The following TKTL1 variants were observed in gnomAD, a reference collection of about 807,000 sequenced individuals.
TKTL1 encodes the protein transketolase-like protein 1.
A neutral mutation model predicts 39.3 loss-of-function variants in TKTL1; 1 was observed. The ratio of observed to expected loss-of-function variants is 0.03; its 90% confidence interval spans 0.01 to 0.12. The LOEUF (loss-of-function observed/expected upper bound fraction) is 0.12, where lower values mean the gene tolerates loss of function less well. Ranked by LOEUF, TKTL1 falls within the 10% of genes least tolerant of loss-of-function variation. The probability of loss-of-function intolerance (pLI) is 1.00; values close to 1 mark genes in which losing one functional copy is unlikely to be tolerated. For missense variants in TKTL1, 575 were observed against 509.6 expected (o/e 1.13, Z -1.24); for synonymous variants, 262 against 193.8 (o/e 1.35, Z -2.92).
intron 2 of TKTL1, among the ~76,000 whole-genome samples, chrX:154,307,764 A>G (rs2283759): frequency 8.9e-6 from 1 of 112,551 alleles, no homozygotes; most frequent in East Asian, 2.8e-4. Context: ...TTCCAAGGGC[A>G]TGCAAGGCGA....
In TKTL1 at chrX:154,309,578, C is replaced by T. The variant is rs1022151381; in HGVS notation, c.350+136C>T. ...TCCCCATCACATCCCGTGGTGACCC[C>T]TCTGGAAGGCCTTCCCTGTGCCTTT... On this transcript the variant is annotated intron_variant, in intron 3 of 12. Coordinates refer to ENST00000369915, the MANE Select transcript of TKTL1 (RefSeq NM_012253.4). 7.1e-5 allele frequency: 37 copies of T among 524,401 alleles called. No individual in the cohort carries two copies. The African/African-American group carries it at 7.1e-4, about 10-fold the overall frequency. 43.2% of individuals were successfully genotyped at this position (524,401 alleles called of 1,213,427 possible).
intron 2 of TKTL1, among the ~76,000 whole-genome samples, chrX:154,305,713 C>G (rs1412423359): frequency 9.1e-6 from 1 of 110,301 alleles, no homozygotes; most frequent in Non-Finnish European, 1.9e-5. Flanking sequence ...TGCTCCCACC[C>G]TCTGTGCTGC....
chrX:154,319,319 G>A (rs191839294), intron 7 of TKTL1, among the ~76,000 whole-genome samples: 4 of 112,540 alleles, frequency 3.6e-5, no homozygotes, highest in African/African-American at 6.4e-5. Flanking sequence ...CACCAGCATA[G>A]TTATTTCAAA....
At chrX:154,314,140 T>C in intron 6 of TKTL1, among the ~76,000 whole-genome samples, 1 of 111,018 alleles carries the variant, frequency 9.0e-6, no homozygotes, top group South Asian at 3.8e-4. Context: ...AGCACCAGGC[T>C]CACCAGGTTA....
intron 8 of TKTL1, among the ~76,000 whole-genome samples, chrX:154,321,415 TCAC>T (rs1557170789): frequency 9.9e-6 from 1 of 100,902 alleles, no homozygotes; most frequent in Non-Finnish European, 2.0e-5. Flanking sequence ...AGAGTAGTAG[TCAC>T]CTGGCAGGTG....
intron 5 of TKTL1, 148 bp downstream of exon 5, chrX:154,311,386 CTCT>C: frequency 1.5e-5 from 12 of 821,192 alleles, no homozygotes; most frequent in Non-Finnish European, 2.1e-5. Context: ...GGCTCCTGCT[CTCT>C]TATTTTCACT....
intron 1 of TKTL1, among the ~76,000 whole-genome samples, chrX:154,304,281 C>T (rs781878497): frequency 4.5e-5 from 5 of 110,961 alleles, no homozygotes; most frequent in African/African-American, 9.8e-5. Flanking sequence ...TGAGTGTGAA[C>T]GAGGGGTCCT....
At chrX:154,322,737 G>A (rs2067461579) in intron 8 of TKTL1, among the ~76,000 whole-genome samples, 1 of 111,282 alleles carries the variant, frequency 9.0e-6, no homozygotes, top group Non-Finnish European at 1.9e-5. Context: ...AGCACCCTCA[G>A]CATGCTTTGA....
At chrX:154,309,304 C>G (rs1426255880) in intron 2 of TKTL1, 41 bp from the exon 3 acceptor site, 4 of 1,109,625 alleles carry the variant, frequency 3.6e-6, no homozygotes, top group East Asian at 6.0e-5. Flanking sequence ...ATACCATGTC[C>G]TGCAGCTGCG....
intron 5 of TKTL1, among the ~76,000 whole-genome samples, chrX:154,312,154 C>T (rs1305812217): frequency 1.8e-5 from 2 of 112,439 alleles, no homozygotes; most frequent in Admixed American, 9.4e-5. Context: ...CAAGACCCAC[C>T]CTCCATGGTC....
chrX:154,299,455 T>C (rs1428351546), intron 1 of TKTL1, among the ~76,000 whole-genome samples: 2 of 110,541 alleles, frequency 1.8e-5, no homozygotes, highest in Non-Finnish European at 3.8e-5. Context: ...GCACCCAGCC[T>C]CTCATTTTCT....
chrX:154,313,154 C>A (rs2067371777), intron 6 of TKTL1, among the ~76,000 whole-genome samples: 1 of 111,868 alleles, frequency 8.9e-6, no homozygotes, highest in African/African-American at 3.3e-5. Flanking sequence ...TCTGAATTTT[C>A]TGATTGGTCA....
chrX:154,320,094 C>T (rs2067436761), intron 7 of TKTL1, among the ~76,000 whole-genome samples: 1 of 112,375 alleles, frequency 8.9e-6, no homozygotes, highest in Non-Finnish European at 1.9e-5. Flanking sequence ...TGCCACACTG[C>T]AGAAACCGAG....
intron 1 of TKTL1, among the ~76,000 whole-genome samples, chrX:154,302,407 G>T (rs1557166167): frequency 9.0e-6 from 1 of 111,248 alleles, no homozygotes. Flanking sequence ...CTGTCTGGAG[G>T]CTACAAATCC....
Position 154,329,631 on chromosome X carries a change from G to A in TKTL1, c.1734G>A (p.Met578Ile). The A allele has an allele frequency of 8.3e-7, 1 of 1,212,009 alleles. No individual in the cohort carries two copies. Among genetic ancestry groups the A allele is most frequent in the Non-Finnish European group, 1.1e-6 (1 of 895,563 alleles). ...QSGKSEELLD[M>I]YGISARHIIV... ...GGAAGTCCGAGGAATTGCTGGATATGTATGGAATTAGTGCCAGACATATCA... is the reference window on the plus strand; with the variant it reads ...GGAAGTCCGAGGAATTGCTGGATATATATGGAATTAGTGCCAGACATATCA... The change falls in exon 13 of 13, where the codon ATG becomes ATA. Residue 578 changes from methionine to isoleucine, a missense_variant. By Grantham distance (10) the Met-to-Ile change is conservative (BLOSUM62 1). Coordinates refer to ENST00000369915, the MANE Select transcript of TKTL1 (RefSeq NM_012253.4).
chrX:154,306,762 G>C (rs1557167305), intron 2 of TKTL1, among the ~76,000 whole-genome samples: 2 of 109,130 alleles, frequency 1.8e-5, no homozygotes, highest in African/African-American at 3.3e-5. Flanking sequence ...TCAGCCTCTT[G>C]AGTAGATGGC....
chrX:154,327,819 T>C lies in TKTL1; in HGVS notation c.1499-20T>C. 8.3e-7 allele frequency: 1 copy of C among 1,211,494 alleles called. No individual in the cohort carries two copies. The highest frequency in any genetic ancestry group is 2.2e-5 in the Admixed American group (1 of 46,032). On this transcript the variant is annotated intron_variant, in intron 11 of 12. Coordinates refer to ENST00000369915, the MANE Select transcript of TKTL1 (RefSeq NM_012253.4). ...TCTGAGTCTCTTTCTTGTACCAAGCTGGTTTTTGCTGTTCTGCAGATATTT... is the reference window on the plus strand; with the variant it reads ...TCTGAGTCTCTTTCTTGTACCAAGCCGGTTTTTGCTGTTCTGCAGATATTT...
At chrX:154,316,817 T>A (rs2067404595) in intron 7 of TKTL1, among the ~76,000 whole-genome samples, 1 of 106,688 alleles carries the variant, frequency 9.4e-6, no homozygotes, top group East Asian at 3.0e-4. Flanking sequence ...TCACCGAGGC[T>A]GGAGTGCAGT....
intron 8 of TKTL1, among the ~76,000 whole-genome samples, chrX:154,321,712 C>G (rs1429106102): frequency 1.9e-5 from 2 of 106,707 alleles, no homozygotes; most frequent in African/African-American, 6.9e-5. Context: ...GATGGGCTTA[C>G]TAGATGTGGC....
Sources: allele counts gnomAD v4.1 joint callset (sites outside exome capture counted in the v4.1 genomes callset), GRCh38; gene constraint gnomAD v4.1.1; transcripts MANE v1.5; gene names NCBI Gene and HGNC (gene_info 2026-07-23, HGNC 2026-07-21).